The following CRY1 variants were observed in gnomAD, a reference collection of about 807,000 sequenced individuals.
CRY1 encodes the protein cryptochrome-1.
CRY1 carries 45 observed loss-of-function variants against 76.0 expected under a neutral mutation model. The observed-to-expected ratio is 0.59, with a 90% CI of 0.47 to 0.76. The LOEUF is 0.76. Among genes scored for constraint, CRY1 ranks in the 30% least tolerant of loss-of-function variants. CRY1 has a pLI of 0.00. For synonymous variants in CRY1, 248 were observed against 244.0 expected (o/e 1.02, Z -0.15); for missense variants, 587 against 716.4 (o/e 0.82, Z 2.06).
chr12:107,067,283 C>T (rs1286133687), intron 1 of CRY1, among the ~76,000 whole-genome samples: 1 of 152,038 alleles, frequency 6.6e-6, no homozygotes, highest in Non-Finnish European at 1.5e-5. Flanking sequence ...TCTAACTCTT[C>T]AAGAAAGTTG....
At chr12:107,063,964 T>C (rs1479891131) in intron 1 of CRY1, among the ~76,000 whole-genome samples, 1 of 152,082 alleles carries the variant, frequency 6.6e-6, no homozygotes, top group Admixed American at 6.6e-5. Context: ...GTTTGCAAAA[T>C]AAATCTCCTA....
Position 106,994,113 on chromosome 12 carries a change from C to T in CRY1, c.1586-1077G>A, listed in dbSNP as rs148055160. Among the ~76,000 whole-genome samples, 290 of 151,938 alleles carry T rather than the reference C, an allele frequency of 1.9e-3. 1 individual carries two copies. Among genetic ancestry groups the T allele is most frequent in the African/African-American group, 6.6e-3 (273 of 41,430 alleles). ...TAAAAGAATTTTGCCCTTTGACATG[C>T]CTTGTAAGGTACTATAAAAGCCTAC... On this transcript the variant is annotated intron_variant, in intron 10 of 12. Transcript: ENST00000008527.
intron 2 of CRY1, among the ~76,000 whole-genome samples, chr12:107,013,519 T>A (rs1358885174): frequency 6.6e-6 from 1 of 152,252 alleles, no homozygotes; most frequent in Non-Finnish European, 1.5e-5. Flanking sequence ...GATGTTTGCT[T>A]TATTGCAATA....
intron 1 of CRY1, among the ~76,000 whole-genome samples, chr12:107,089,026 G>GT: frequency 6.6e-6 from 1 of 152,076 alleles, no homozygotes; most frequent in East Asian, 1.9e-4. Flanking sequence ...GGCTTCTTTC[G>GT]TTTAGTTTGT....
At chr12:107,055,562 G>T (rs1271978814) in intron 1 of CRY1, among the ~76,000 whole-genome samples, 1 of 151,894 alleles carries the variant, frequency 6.6e-6, no homozygotes, top group Non-Finnish European at 1.5e-5. Flanking sequence ...AAAAAAAGCA[G>T]AACAAAGAAA....
Position 106,992,843 on chromosome 12 carries a change from G to A in CRY1, c.1705C>T (p.Gln569Ter). The change falls in exon 12 of 13, where the codon CAG becomes TAG. Residue 569 changes from glutamine (Q) to a stop codon, truncating the protein, a stop_gained. Coordinates refer to ENST00000008527, the MANE Select transcript of CRY1 (RefSeq NM_004075.5). LOFTEE classifies it high-confidence loss of function. ...TGLSGGKRPS[Q>*]EEDTQSIGPK... ...CCAATACTCTGTGTGTCCTCTTCCT[G>A]ACTAGGACGTTTCCCACCACTGAGA... 6.2e-7 allele frequency: 1 copy of A among 1,613,970 alleles called. No homozygotes were observed. The highest frequency in any genetic ancestry group is 8.5e-7 in the Non-Finnish European group (1 of 1,179,920).
In CRY1 at chr12:107,022,355, T is replaced by G. The variant is rs565965479; in HGVS notation, c.159-163A>C. On this transcript the variant is annotated intron_variant, in intron 1 of 12. Transcript: ENST00000008527. ...CAAAAACCATACTAATATATATTTT[T>G]TAATTATAGCACAAATTACCTAGTA... Among the ~76,000 whole-genome samples, 3 of 152,192 alleles carry G rather than the reference T, an allele frequency of 2.0e-5. No homozygotes were observed. The East Asian group carries it at 5.8e-4, about 29-fold the overall frequency.
chr12:107,035,772 T>C (rs1251981599), intron 1 of CRY1, among the ~76,000 whole-genome samples: 5 of 152,214 alleles, frequency 3.3e-5, no homozygotes, highest in Admixed American at 2.0e-4. Context: ...AAAGCAGTCA[T>C]AGAAGGATTT....
chr12:107,090,281 C>T lies in CRY1; in HGVS notation c.158+2523G>A, dbSNP rs145359601. 4.1e-3 allele frequency among the ~76,000 whole-genome samples: 628 copies of T among 151,994 alleles called. 2 individuals are homozygous for T. The highest frequency in any genetic ancestry group is 0.014 in the Middle Eastern group (4 of 294). ...ATTTTTTTGTGTTTTTTACTAGAGA[C>T]GGGGTTTTGCCATATTGGCCAGGCT... On this transcript the variant is annotated intron_variant, in intron 1 of 12. Transcript: ENST00000008527.
At chr12:107,071,990 C>G (rs1259861092) in intron 1 of CRY1, among the ~76,000 whole-genome samples, 6 of 152,120 alleles carry the variant, frequency 3.9e-5, no homozygotes, top group Non-Finnish European at 8.8e-5. Flanking sequence ...TCTACTCAAA[C>G]TAGGTCATAC....
intron 1 of CRY1, among the ~76,000 whole-genome samples, chr12:107,071,754 T>C (rs1483533955): frequency 6.6e-6 from 1 of 152,196 alleles, no homozygotes; most frequent in African/African-American, 2.4e-5. Context: ...ATCATAGCAA[T>C]TGTGGTACTT....
intron 1 of CRY1, among the ~76,000 whole-genome samples, chr12:107,058,433 A>AT (rs1953010409): frequency 1.3e-5 from 2 of 152,196 alleles, no homozygotes; most frequent in African/African-American, 4.8e-5. Flanking sequence ...AGTTGAGAAA[A>AT]TAGTTACAGG....
At chr12:107,046,090 G>A (rs1039094529) in intron 1 of CRY1, among the ~76,000 whole-genome samples, 1 of 150,142 alleles carries the variant, frequency 6.7e-6, no homozygotes, top group African/African-American at 2.5e-5. Context: ...TTGCACCACT[G>A]CACTCCAGCC....
chr12:107,087,774 A>G (rs531837564), intron 1 of CRY1, among the ~76,000 whole-genome samples: 7 of 152,340 alleles, frequency 4.6e-5, no homozygotes, highest in African/African-American at 1.4e-4. Context: ...GAGGGTGGGC[A>G]TGGTGGCTTA....
At chr12:107,065,605 A>G (rs1393971838) in intron 1 of CRY1, among the ~76,000 whole-genome samples, 1 of 152,156 alleles carries the variant, frequency 6.6e-6, no homozygotes, top group Non-Finnish European at 1.5e-5. Flanking sequence ...CAAAAAAAAA[A>G]GAGTAAAAAT....
At chr12:107,006,412 A>G (rs1057345806) in intron 2 of CRY1, among the ~76,000 whole-genome samples, 2 of 152,074 alleles carry the variant, frequency 1.3e-5, no homozygotes, top group African/African-American at 4.8e-5. Context: ...TTTACAGTAT[A>G]TATCTTTACC....
intron 2 of CRY1, among the ~76,000 whole-genome samples, chr12:107,011,134 C>T (rs1440367214): frequency 1.3e-5 from 2 of 152,134 alleles, no homozygotes; most frequent in African/African-American, 4.8e-5. Context: ...ATCACGAGGT[C>T]AGGAGTTCCA....
chr12:106,997,818 C>T, intron 8 of CRY1, 97 bp downstream of exon 8: 2 of 1,539,674 alleles, frequency 1.3e-6, no homozygotes, highest in South Asian at 2.4e-5. Context: ...TCTCTGCTGC[C>T]CATCATGAGT....
At chr12:107,076,139 G>C (rs1953249123) in intron 1 of CRY1, among the ~76,000 whole-genome samples, 1 of 151,918 alleles carries the variant, frequency 6.6e-6, no homozygotes, top group Non-Finnish European at 1.5e-5. Context: ...AACTAGATGA[G>C]ATCACCTAAA....
Sources: gnomAD v4.1 joint callset for allele counts (sites outside exome capture counted in the v4.1 genomes callset) on GRCh38, gnomAD v4.1.1 for gene constraint, MANE v1.5 for transcripts, NCBI Gene and HGNC (gene_info 2026-07-23, HGNC 2026-07-21) for gene names.